Variants in DGKQ observed in about 807,000 individuals in gnomAD.
DGKQ encodes DAG kinase theta.
Under a neutral mutation model 104.2 loss-of-function variants are expected in DGKQ, and 97 were observed. The ratio of observed to expected loss-of-function variants is 0.93; its 90% confidence interval spans 0.79 to 1.10. DGKQ has a LOEUF of 1.10. Among genes scored for constraint, DGKQ ranks in the 50% least tolerant of loss-of-function variants. The probability of loss-of-function intolerance (pLI) is 0.00; values close to 1 mark genes in which losing one functional copy is unlikely to be tolerated. For synonymous variants in DGKQ, 736 were observed against 595.2 expected (o/e 1.24, Z -3.44); for missense variants, 1,465 against 1,352.1 (o/e 1.08, Z -1.31).
chr4:966,996 CCA>C lies in DGKQ; in HGVS notation c.1277_1278del (p.Val426GlyfsTer95). 1 of 1,566,674 alleles carries C rather than the reference CCA, an allele frequency of 6.4e-7. No homozygotes were observed. The highest frequency in any genetic ancestry group is 8.6e-7 in the Non-Finnish European group (1 of 1,158,212). On this transcript the variant is annotated frameshift_variant, in exon 10 of 23. Transcript: ENST00000273814. LOFTEE classifies it high-confidence loss of function. ...RVTPKSTARS[V>X]VLEVLPLLGR... ...CCGAGCAGCGGCAGGACCTCCAGCA[CCA>C]CAGAGCGGGCCGTGCTCTTCGGGGT...
chr4:963,353 T>G, intron 15 of DGKQ, 63 bp from the exon 16 acceptor site: 3 of 1,465,130 alleles, frequency 2.0e-6, no homozygotes, highest in Non-Finnish European at 2.8e-6. Flanking sequence ...CTGCTGGGGT[T>G]GCCAGGCAGT....
At chr4:973,104 C>T (rs1713064376) in intron 1 of DGKQ, 108 bp downstream of exon 1, 7 of 1,309,530 alleles carry the variant, frequency 5.3e-6, no homozygotes, top group Middle Eastern at 2.9e-4. Flanking sequence ...AGGGCTGGGA[C>T]CCCGCCCTCC....
At chr4:972,891 G>A (rs1296840255) in intron 1 of DGKQ, among the ~76,000 whole-genome samples, 1 of 152,220 alleles carries the variant, frequency 6.6e-6, no homozygotes, top group African/African-American at 2.4e-5. Flanking sequence ...AGCCACACCT[G>A]CTGCCCCAGC....
Position 968,004 on chromosome 4 carries a change from C to G in DGKQ, c.687G>C (p.Ala229=), listed in dbSNP as rs17855220. The change falls in exon 6 of 23, where the codon GCG becomes GCC. Residue 229 remains alanine (A), a synonymous_variant. Transcript: ENST00000273814. ...GVQAHSLCSA[A]LAPECGFGRL... is the part of the protein sequence containing the mutation. The stretch of plus-strand genomic sequence containing the variant: ...GCCCGAAGCCACACTCGGGAGCCAG[C>G]GCCGCGGAGCAGAGGGAGTGCGCCT... The G allele has an allele frequency of 6.9e-7, 1 of 1,452,100 alleles. No homozygotes were observed. The highest frequency in any genetic ancestry group is 9.0e-7 in the Non-Finnish European group (1 of 1,111,296). 90.0% of individuals were successfully genotyped at this position (1,452,100 alleles called of 1,614,324 possible).
intron 14 of DGKQ, 28 bp from the exon 15 acceptor site, chr4:965,319 G>T (rs775893401): frequency 6.2e-7 from 1 of 1,604,172 alleles, no homozygotes. Context: ...GACTCAGGGG[G>T]AGCCTGTCCC....
intron 16 of DGKQ, 39 bp from the exon 17 acceptor site, chr4:962,959 C>A: frequency 1.3e-6 from 2 of 1,577,526 alleles, no homozygotes; most frequent in Non-Finnish European, 1.7e-6. Context: ...CAGCTGCGGG[C>A]GCAGCCCATC....
chr4:971,585 G>A lies in DGKQ; in HGVS notation c.272-513C>T, dbSNP rs745708121. ...GGCTCTGGGAGGCAGGAGCCGCTGG[G>A]GAGTGGACAGCCCCAAGCCTCCCAA... On this transcript the variant is annotated intron_variant, in intron 1 of 22. Transcript: ENST00000273814. This position sits in a 1 kb window ranked among gnomAD's most constrained non-coding sequence, Gnocchi z 4.0. Among the ~76,000 whole-genome samples the A allele has an allele frequency of 2.0e-5, 3 of 152,194 alleles. No individual in the cohort carries two copies. Among genetic ancestry groups the A allele is most frequent in the Non-Finnish European group, 4.4e-5 (3 of 68,024 alleles).
At position 965,628 on chromosome 4, in the gene DGKQ, C is replaced by T; in HGVS notation, c.1580-99G>A. On this transcript the variant is annotated intron_variant, in intron 13 of 22. Transcript: ENST00000273814. ...CGCCTGTCCAGGGGTGACATCTCAC[C>T]CCAAAGGCAGCCTCCCCAGGAAGTA... is the stretch of plus-strand genomic sequence containing the variant. 2.2e-6 allele frequency: 3 copies of T among 1,378,438 alleles called. No homozygotes were observed. The South Asian group carries it at 3.9e-5, about 18-fold the overall frequency. The allele number at this position is 1,378,438 out of a possible 1,614,324, so 85.4% of individuals were successfully genotyped here. A position where few individuals can be genotyped will look rare whatever the true frequency, so the allele number is the denominator to read the frequency against.
chr4:971,727 C>T lies in DGKQ; in HGVS notation c.272-655G>A, dbSNP rs142760081. Among the ~76,000 whole-genome samples the T allele has an allele frequency of 7.9e-5, 12 of 152,016 alleles. No homozygotes were observed. Among genetic ancestry groups the T allele is most frequent in the Admixed American group, 6.5e-4 (10 of 15,280 alleles). On this transcript the variant is annotated intron_variant, in intron 1 of 22. Coordinates refer to ENST00000273814, the MANE Select transcript of DGKQ (RefSeq NM_001347.4). This position sits in a 1 kb window ranked among gnomAD's most constrained non-coding sequence, Gnocchi z 4.0. ...AGTAAAACAGACAGGAGGGTGGGGC[C>T]GGGGCAGAAGGGAGGGCAGGAACCC...
In DGKQ at chr4:969,903, G is replaced by A. The variant is rs931320589; in HGVS notation, c.352-993C>T. On this transcript the variant is annotated intron_variant, in intron 2 of 22. Transcript: ENST00000273814. ...TGGGATTACGGGCGTGAGCCACAGC[G>A]CCCGGCCGTTAAATACATCTTCTAA... 2.6e-5 allele frequency among the ~76,000 whole-genome samples: 4 copies of A among 152,212 alleles called. No individual in the cohort carries two copies. The East Asian group carries it at 7.7e-4, about 29-fold the overall frequency.
intron 3 of DGKQ, 88 bp downstream of exon 3, chr4:968,723 T>G (rs1712678768): frequency 5.7e-6 from 8 of 1,394,650 alleles, no homozygotes. Context: ...CCATCACCCC[T>G]GACAAGCTGC....
chr4:967,193 C>G lies in DGKQ; in HGVS notation c.1156G>C (p.Ala386Pro). 2.5e-6 allele frequency: 4 copies of G among 1,597,466 alleles called. No homozygotes were observed. The highest frequency in any genetic ancestry group is 3.4e-6 in the Non-Finnish European group (4 of 1,172,948). Residue 386 changes from alanine to proline, a missense_variant, in exon 9 of 23, where the codon GCC becomes CCC. Physicochemically the swap from Ala to Pro is conservative, Grantham distance 27 (BLOSUM62 -1). Coordinates refer to ENST00000273814, the MANE Select transcript of DGKQ (RefSeq NM_001347.4). ...SPGSGEATPE[A>P]WVIRALPRAQ... ...CGCGGCAGAGCCCGGATGACCCAGG[C>G]CTCTGGCGTGGCCTCGCCGGACCCG... is the stretch of plus-strand genomic sequence containing the variant.
intron 2 of DGKQ, among the ~76,000 whole-genome samples, chr4:969,981 C>A (rs1712800881): frequency 6.6e-6 from 1 of 152,256 alleles, no homozygotes; most frequent in Non-Finnish European, 1.5e-5. Context: ...CCCAATTTAG[C>A]AAAGTATAGA....
chr4:961,259 T>C, intron 21 of DGKQ, 58 bp from the exon 22 acceptor site: 1 of 1,371,428 alleles, frequency 7.3e-7, no homozygotes, highest in East Asian at 2.9e-5. Flanking sequence ...ACCGCTGACC[T>C]GGCCCTGGGG....
chr4:968,253 C>T (rs1203451664), intron 5 of DGKQ, 29 bp downstream of exon 5: 4 of 1,217,494 alleles, frequency 3.3e-6, no homozygotes, highest in South Asian at 1.4e-5. Flanking sequence ...CCTGCCCCAC[C>T]CCCACCCCCT....
At chr4:969,520 G>A (rs1286831317) in intron 2 of DGKQ, among the ~76,000 whole-genome samples, 2 of 152,166 alleles carry the variant, frequency 1.3e-5, no homozygotes, top group African/African-American at 2.4e-5. Flanking sequence ...AACCACACCC[G>A]ATAAAAGCAT....
At chr4:961,957 G>A (rs1208578778) in intron 19 of DGKQ, 25 bp downstream of exon 19, 10 of 1,611,556 alleles carry the variant, frequency 6.2e-6, no homozygotes, top group East Asian at 4.5e-5. Context: ...CCGTTGACAG[G>A]TGGTAGCCCC....
intron 2 of DGKQ, among the ~76,000 whole-genome samples, chr4:970,202 G>A (rs916604234): frequency 6.6e-6 from 1 of 152,362 alleles, no homozygotes; most frequent in East Asian, 1.9e-4. Context: ...AGTGGCAGGT[G>A]TGCCTGCTGG....
In DGKQ at chr4:966,535, G is replaced by C. The variant is rs2153009538; in HGVS notation, c.1367-8C>G. 2 of 1,611,194 alleles carry C rather than the reference G, an allele frequency of 1.2e-6. No homozygotes were observed. Among genetic ancestry groups the C allele is most frequent in the Non-Finnish European group, 1.7e-6 (2 of 1,178,834 alleles). On this transcript the variant is annotated splice_region_variant and splice_polypyrimidine_tract_variant and intron_variant, in intron 11 of 22. Transcript: ENST00000273814. ...TCAGCATCGTCCGCTGGACTGCAGA[G>C]GTGAGGGCACAGGCCGTCAGCACCC... is the stretch of plus-strand genomic sequence containing the variant.
Sources: allele counts gnomAD v4.1 joint callset (sites outside exome capture counted in the v4.1 genomes callset), GRCh38; gene constraint gnomAD v4.1.1; non-coding constraint Gnocchi (gnomAD v3.1); transcripts MANE v1.5; gene names NCBI Gene and HGNC (gene_info 2026-07-23, HGNC 2026-07-21).